The following TRPS1 variants were observed in gnomAD, a reference collection of about 807,000 sequenced individuals.
TRPS1 encodes zinc finger transcription factor Trps1.
Under a neutral mutation model 101.2 loss-of-function variants are expected in TRPS1, and 6 were observed. The observed-to-expected ratio is 0.06, with a 90% confidence interval of 0.03 to 0.12. TRPS1 has a LOEUF of 0.12. Among genes scored for constraint, TRPS1 ranks in the 10% least tolerant of loss-of-function variants. TRPS1 has a pLI of 1.00. For synonymous variants in TRPS1, 578 were observed against 589.8 expected, an observed-to-expected ratio of 0.98 and a Z score of 0.29; for missense variants, 1,363 against 1,567.0, an observed-to-expected ratio of 0.87 and a Z score of 2.20.
Position 115,528,419 on chromosome 8 carries a change from G to A in TRPS1, c.2700+58582C>T, listed in dbSNP as rs1354673419. 3.9e-5 allele frequency among the ~76,000 whole-genome samples: 6 copies of A among 152,054 alleles called. No homozygotes were observed. In the South Asian group the frequency reaches 8.3e-4, roughly 21 times the overall value. ...CTCTGAGAGAGGTTAAATAGCACTC[G>A]CATAGACAGAAAATGAGAGGGTCAG... On this transcript the variant is annotated intron_variant, in intron 5 of 6. Coordinates refer to ENST00000395715, the MANE Select transcript of TRPS1 (RefSeq NM_014112.5).
In TRPS1 at chr8:115,544,662, AC is replaced by A. The variant is rs1241361679; in HGVS notation, c.2700+42338del. On this transcript the variant is annotated intron_variant, in intron 5 of 6. Transcript: ENST00000395715. Reference sequence around the variant, plus strand: ...TTCTATCAACAAGGATTCAAACACAACCATTTTTGCCTGATATGGAGGCACT... The same window carrying A: ...TTCTATCAACAAGGATTCAAACACAACATTTTTGCCTGATATGGAGGCACT... Among the ~76,000 whole-genome samples, 109 of 152,276 alleles carry A rather than the reference AC, an allele frequency of 7.2e-4. 1 individual carries two copies. Among genetic ancestry groups the A allele is most frequent in the African/African-American group, 2.4e-3 (101 of 41,570 alleles).
At chr8:115,641,094 T>C (rs1586485857) in intron 1 of TRPS1, among the ~76,000 whole-genome samples, 1 of 152,226 alleles carries the variant, frequency 6.6e-6, no homozygotes. Context: ...AAAGTGATTA[T>C]CCTTCTGGAA....
intron 1 of TRPS1, among the ~76,000 whole-genome samples, chr8:115,628,801 A>G (rs1049398016): frequency 6.6e-6 from 1 of 151,816 alleles, no homozygotes; most frequent in Non-Finnish European, 1.5e-5. Context: ...AAGAAACCCA[A>G]GACTTGTCTC....
At chr8:115,533,935 A>T (rs1816214481) in intron 5 of TRPS1, among the ~76,000 whole-genome samples, 1 of 152,088 alleles carries the variant, frequency 6.6e-6, no homozygotes, top group Admixed American at 6.5e-5. Context: ...CAGGTCCCTT[A>T]TGATCTTAAA....
chr8:115,572,887 C>T (rs1334968624), intron 5 of TRPS1, among the ~76,000 whole-genome samples: 1 of 152,118 alleles, frequency 6.6e-6, no homozygotes, highest in Non-Finnish European at 1.5e-5. Flanking sequence ...AATCCCAGCA[C>T]TTTGGGAGGC....
intron 5 of TRPS1, among the ~76,000 whole-genome samples, chr8:115,498,511 T>TGTC (rs1439590462): frequency 6.7e-6 from 1 of 149,426 alleles, no homozygotes; most frequent in Non-Finnish European, 1.5e-5. Flanking sequence ...AGTTTGTTGT[T>TGTC]GTCATTTTCA....
At chr8:115,449,290 T>TA (rs771893132) in intron 5 of TRPS1, among the ~76,000 whole-genome samples, 8 of 151,298 alleles carry the variant, frequency 5.3e-5, no homozygotes, top group Admixed American at 2.0e-4. Flanking sequence ...TCCAGTTCTC[T>TA]AAAAAAAAAG....
chr8:115,615,841 C>T (rs1443209475), intron 3 of TRPS1, among the ~76,000 whole-genome samples: 1 of 152,144 alleles, frequency 6.6e-6, no homozygotes, highest in Non-Finnish European at 1.5e-5. Flanking sequence ...TTATTGGTCT[C>T]CATGTGAGCC....
intron 5 of TRPS1, among the ~76,000 whole-genome samples, chr8:115,448,722 A>G (rs760309984): frequency 5.9e-5 from 9 of 152,208 alleles, no homozygotes; most frequent in Admixed American, 2.0e-4. Flanking sequence ...CTTAAAAAGT[A>G]TAAGCATACT....
At chr8:115,630,728 T>C (rs1818621258) in intron 1 of TRPS1, among the ~76,000 whole-genome samples, 1 of 152,068 alleles carries the variant, frequency 6.6e-6, no homozygotes, top group East Asian at 1.9e-4. Context: ...CTTTAAGTAC[T>C]ATTATCATTC....
At chr8:115,602,738 C>A (rs1400590461) in intron 4 of TRPS1, among the ~76,000 whole-genome samples, 1 of 152,094 alleles carries the variant, frequency 6.6e-6, no homozygotes, top group Non-Finnish European at 1.5e-5. Flanking sequence ...TTTAGACTAG[C>A]ATATTGGTAT....
At chr8:115,424,596 C>T (rs970457477) in intron 5 of TRPS1, among the ~76,000 whole-genome samples, 1 of 152,140 alleles carries the variant, frequency 6.6e-6, no homozygotes, top group Non-Finnish European at 1.5e-5. Flanking sequence ...ATGTGAATTA[C>T]GTGGAAACTT....
At chr8:115,532,799 G>C (rs1816167095) in intron 5 of TRPS1, among the ~76,000 whole-genome samples, 1 of 152,114 alleles carries the variant, frequency 6.6e-6, no homozygotes, top group Non-Finnish European at 1.5e-5. Flanking sequence ...CAGGAGATGA[G>C]GCTGCATCAG....
chr8:115,498,820 C>G (rs1467448524), intron 5 of TRPS1, among the ~76,000 whole-genome samples: 1 of 151,810 alleles, frequency 6.6e-6, no homozygotes, highest in Non-Finnish European at 1.5e-5. Flanking sequence ...AAATATAACC[C>G]CAGACAGAAG....
chr8:115,623,294 A>G (rs1818437754), intron 2 of TRPS1, among the ~76,000 whole-genome samples: 1 of 151,982 alleles, frequency 6.6e-6, no homozygotes, highest in Non-Finnish European at 1.5e-5. Context: ...CATGTTCTTT[A>G]GTTGCTGTTT....
chr8:115,601,527 G>A (rs1211211784), intron 4 of TRPS1, among the ~76,000 whole-genome samples: 1 of 344 alleles, frequency 2.9e-3, no homozygotes, highest in Non-Finnish European at 5.4e-3. Flanking sequence ...CTCAGAAACA[G>A]ATTAGAGATA....
intron 5 of TRPS1, among the ~76,000 whole-genome samples, chr8:115,544,919 C>T (rs1045542912): frequency 6.6e-6 from 1 of 151,842 alleles, no homozygotes; most frequent in Non-Finnish European, 1.5e-5. Context: ...TTTGGTTCCC[C>T]TCTTTTAATA....
At chr8:115,525,276 C>T (rs1366392034) in intron 5 of TRPS1, among the ~76,000 whole-genome samples, 1 of 152,030 alleles carries the variant, frequency 6.6e-6, no homozygotes, top group African/African-American at 2.4e-5. Flanking sequence ...GCCACTAATT[C>T]AATGCCCTAC....
chr8:115,650,540 T>C (rs1811536212), intron 1 of TRPS1, among the ~76,000 whole-genome samples: 1 of 152,158 alleles, frequency 6.6e-6, no homozygotes, highest in Non-Finnish European at 1.5e-5. Flanking sequence ...CTTAACAGAG[T>C]TAAATGTTAA....
Sources: gnomAD v4.1 joint callset for allele counts (sites outside exome capture counted in the v4.1 genomes callset) on GRCh38, gnomAD v4.1.1 for gene constraint, MANE v1.5 for transcripts, NCBI Gene and HGNC (gene_info 2026-07-23, HGNC 2026-07-21) for gene names.